The following MOB3A variants were observed in gnomAD, a reference collection of about 807,000 sequenced individuals.
The protein encoded by MOB3A is MOB kinase activator 3A.
A neutral mutation model predicts 17.8 loss-of-function variants in MOB3A; 17 were observed. The observed-to-expected ratio is 0.95, with a 90% CI of 0.65 to 1.43. The LOEUF (loss-of-function observed/expected upper bound fraction) is 1.43. Among genes scored for constraint, MOB3A ranks in the 40% most tolerant of loss-of-function variants. The pLI is 0.00. For synonymous variants in MOB3A, 124 were observed against 133.2 expected (o/e 0.93, Z 0.48); for missense variants, 333 against 310.8 (o/e 1.07, Z -0.54).
chr19:2,077,129 G>T, intron 3 of MOB3A, 116 bp from the exon 4 acceptor site: 1 of 851,144 alleles, frequency 1.2e-6, no homozygotes, highest in Non-Finnish European at 1.9e-6. Context: ...GATCGGGCGC[G>T]GTGGCTGACG....
rs1008405090 is a variant in MOB3A, at chr19:2,093,106, T to C, written c.-274+3120A>G. Among the ~76,000 whole-genome samples the C allele has an allele frequency of 6.6e-5, 10 of 152,006 alleles. No individual in the cohort carries two copies. Among genetic ancestry groups the C allele is most frequent in the Admixed American group, 5.2e-4 (8 of 15,260 alleles). ...CTCAGTCAGCTGTGTGGGGAATTTT[T>C]CTGAAACCTCCACCATCAGGTCCCT... On this transcript the variant is annotated intron_variant, in intron 1 of 4. Coordinates refer to ENST00000357066, the MANE Select transcript of MOB3A (RefSeq NM_130807.3). The surrounding 1 kb of genome is among the most constrained non-coding windows in gnomAD (Gnocchi z 4.6).
intron 2 of MOB3A, among the ~76,000 whole-genome samples, chr19:2,079,622 T>C (rs2017461295): frequency 6.6e-6 from 1 of 152,180 alleles, no homozygotes; most frequent in Admixed American, 6.5e-5. Context: ...CGCCCACACC[T>C]TCGTCTCAGA....
Position 2,071,275 on chromosome 19 carries a change from G to A in MOB3A, c.*2120C>T, listed in dbSNP as rs1234957515. The A allele has an allele frequency of 3.9e-5, 6 of 152,278 alleles. No individual in the cohort carries two copies. Among genetic ancestry groups the A allele is most frequent in the African/African-American group, 1.2e-4 (5 of 41,462 alleles). 9.4% of individuals were successfully genotyped at this position (152,278 alleles called of 1,614,324 possible). A position where few individuals can be genotyped will look rare whatever the true frequency, so the allele number is the denominator to read the frequency against. On this transcript the variant is annotated 3_prime_UTR_variant, in exon 5 of 5. Transcript: ENST00000357066. ...AGATACATTTCATCAAGCAGTTCCTGATTTCATGGAGTTCTTTGAGGGCTC... is the reference window on the plus strand; with the variant it reads ...AGATACATTTCATCAAGCAGTTCCTAATTTCATGGAGTTCTTTGAGGGCTC...
At chr19:2,084,016 C>T in intron 2 of MOB3A, 1 of 387,334 alleles carries the variant, frequency 2.6e-6, no homozygotes, top group Admixed American at 3.0e-5. Flanking sequence ...AAGTGATCCT[C>T]CTACGTCAGC....
intron 1 of MOB3A, among the ~76,000 whole-genome samples, chr19:2,090,991 T>C (rs1568257759): frequency 1.3e-5 from 2 of 152,184 alleles, no homozygotes; most frequent in Non-Finnish European, 2.9e-5. Flanking sequence ...AACACACTTT[T>C]AAAACTAATA....
At chr19:2,091,509 A>C (rs1222073614) in intron 1 of MOB3A, among the ~76,000 whole-genome samples, 1 of 150,862 alleles carries the variant, frequency 6.6e-6, no homozygotes, top group East Asian at 2.0e-4. Flanking sequence ...TCAGCCTCCC[A>C]AGTAGCTGGG....
At chr19:2,094,945 C>T (rs552924117) in intron 1 of MOB3A, among the ~76,000 whole-genome samples, 1 of 152,138 alleles carries the variant, frequency 6.6e-6, no homozygotes, top group Non-Finnish European at 1.5e-5. Context: ...CCGAGGCGGG[C>T]GGATCACCTG....
intron 2 of MOB3A, among the ~76,000 whole-genome samples, chr19:2,081,777 G>A (rs774482006): frequency 6.6e-6 from 1 of 152,118 alleles, no homozygotes; most frequent in Non-Finnish European, 1.5e-5. Flanking sequence ...CCGGCTACTT[G>A]GGAGGCTGAG....
chr19:2,079,359 C>A (rs944691161), intron 2 of MOB3A, among the ~76,000 whole-genome samples: 10 of 152,256 alleles, frequency 6.6e-5, no homozygotes, highest in Non-Finnish European at 1.5e-4. Flanking sequence ...CACCGCAATG[C>A]CCGCAGCCTG....
chr19:2,082,986 T>C lies in MOB3A; in HGVS notation c.-120+2189A>G, dbSNP rs988370945. On this transcript the variant is annotated intron_variant, in intron 2 of 4. Coordinates refer to ENST00000357066, the MANE Select transcript of MOB3A (RefSeq NM_130807.3). The surrounding 1 kb of genome is among the most constrained non-coding windows in gnomAD (Gnocchi z 4.1). ...CACTGCCATAATTTTTTATAATTTTTTCACCACCAGTTAATTTTTTGTTGT... is the reference window on the plus strand; with the variant it reads ...CACTGCCATAATTTTTTATAATTTTCTCACCACCAGTTAATTTTTTGTTGT... Among the ~76,000 whole-genome samples, 2 of 147,454 alleles carry C rather than the reference T, an allele frequency of 1.4e-5. No individual in the cohort carries two copies. Among genetic ancestry groups the C allele is most frequent in the Non-Finnish European group, 3.0e-5 (2 of 67,374 alleles).
intron 3 of MOB3A, among the ~76,000 whole-genome samples, chr19:2,077,226 C>T (rs1347170466): frequency 6.6e-6 from 1 of 152,002 alleles, no homozygotes; most frequent in African/African-American, 2.4e-5. Context: ...CATGGAGAAA[C>T]CCCATCTTTA....
intron 1 of MOB3A, among the ~76,000 whole-genome samples, chr19:2,090,863 C>G (rs770855732): frequency 1.3e-5 from 2 of 152,288 alleles, no homozygotes; most frequent in Middle Eastern, 3.4e-3. Context: ...GGGGTTTCAC[C>G]GTGTTAGTCA....
intron 3 of MOB3A, among the ~76,000 whole-genome samples, chr19:2,077,216 C>T (rs2017423452): frequency 6.6e-6 from 1 of 152,064 alleles, no homozygotes; most frequent in Non-Finnish European, 1.5e-5. Flanking sequence ...GCCTGGCCAA[C>T]ATGGAGAAAC....
chr19:2,078,469 A>C lies in MOB3A; in HGVS notation c.92T>G (p.Leu31Arg), dbSNP rs1031160632. The C allele has an allele frequency of 1.2e-6, 2 of 1,611,550 alleles. No homozygotes were observed. The highest frequency in any genetic ancestry group is 8.5e-7 in the Non-Finnish European group (1 of 1,178,020). ...CAGCGACGCCTGCGCCTTCTTGTGCAGCTCGAAGCGCTGGGTGCCTGGCTC... is the reference window on the plus strand; with the variant it reads ...CAGCGACGCCTGCGCCTTCTTGTGCCGCTCGAAGCGCTGGGTGCCTGGCTC... Reference protein sequence around the residue: ...KFEPGTQRFELHKKAQASLNA... With the variant: ...KFEPGTQRFERHKKAQASLNA... The change falls in exon 3 of 5, where the codon CTG becomes CGG. Residue 31 changes from leucine (L) to arginine (R), a missense_variant. Coordinates refer to ENST00000357066, the MANE Select transcript of MOB3A (RefSeq NM_130807.3).
At chr19:2,074,342 C>T (rs1013834628) in intron 4 of MOB3A, among the ~76,000 whole-genome samples, 1 of 151,586 alleles carries the variant, frequency 6.6e-6, no homozygotes, top group Non-Finnish European at 1.5e-5. Flanking sequence ...CTGTCTTATA[C>T]AGACTGGGAC....
intron 1 of MOB3A, among the ~76,000 whole-genome samples, chr19:2,089,169 C>CTGGCATTT (rs2017585596): frequency 6.6e-6 from 1 of 152,166 alleles, no homozygotes; most frequent in African/African-American, 2.4e-5. Context: ...GTAAACAGGC[C>CTGGCATTT]TGGCATTTGC....
chr19:2,074,128 C>A (rs1345251148), intron 4 of MOB3A, among the ~76,000 whole-genome samples: 1 of 151,562 alleles, frequency 6.6e-6, no homozygotes, highest in Non-Finnish European at 1.5e-5. Context: ...CCCGTCTCTA[C>A]TAAAAATACA....
At chr19:2,077,582 C>T (rs1357713853) in intron 3 of MOB3A, among the ~76,000 whole-genome samples, 1 of 151,930 alleles carries the variant, frequency 6.6e-6, no homozygotes, top group African/African-American at 2.4e-5. Context: ...CCCAGGGGCT[C>T]CATGGCAGTG....
At chr19:2,078,099 G>A (rs1187389340) in intron 3 of MOB3A, 41 bp downstream of exon 3, 18 of 1,506,980 alleles carry the variant, frequency 1.2e-5, no homozygotes, top group Non-Finnish European at 1.5e-5. Context: ...GACTTTTCTG[G>A]AAGGCTCTGT....
Sources: gnomAD v4.1 joint callset for allele counts (sites outside exome capture counted in the v4.1 genomes callset) on GRCh38, gnomAD v4.1.1 for gene constraint, Gnocchi (gnomAD v3.1) non-coding constraint, MANE v1.5 for transcripts, NCBI Gene and HGNC (gene_info 2026-07-23, HGNC 2026-07-21) for gene names.